Variants in FRAS1 observed in about 807,000 individuals in gnomAD.
FRAS1 encodes Fraser extracellular matrix complex subunit 1, also known as extracellular matrix organizing protein FRAS1.
A neutral mutation model predicts 435.2 loss-of-function variants in FRAS1; 290 were observed. The observed-to-expected ratio is 0.67, with a 90% CI of 0.61 to 0.73. The LOEUF (loss-of-function observed/expected upper bound fraction) is 0.73. Ranked by LOEUF, FRAS1 falls within the 30% of genes least tolerant of loss-of-function variation. The probability of loss-of-function intolerance (pLI) is 0.00; values close to 1 mark genes in which losing one functional copy is unlikely to be tolerated. For synonymous variants in FRAS1, 1,800 were observed against 1,851.0 expected, an observed-to-expected ratio of 0.97 and a Z score of 0.71; for missense variants, 4,860 against 5,001.5, an observed-to-expected ratio of 0.97 and a Z score of 0.85.
chr4:78,519,142 G>T (rs746250821), intron 66 of FRAS1, among the ~76,000 whole-genome samples, 189 bp from the exon 67 acceptor site: 2 of 152,126 alleles, frequency 1.3e-5, no homozygotes, highest in Non-Finnish European at 2.9e-5. Context: ...AAGCATCCCG[G>T]CTGCTTTCTA....
intron 14 of FRAS1, among the ~76,000 whole-genome samples, chr4:78,303,873 C>T: frequency 6.7e-6 from 1 of 148,990 alleles, no homozygotes; most frequent in African/African-American, 2.4e-5. Flanking sequence ...ATTGCCCTGG[C>T]CAGAACTTCC....
At chr4:78,078,767 A>G (rs1204940655) in intron 2 of FRAS1, among the ~76,000 whole-genome samples, 4 of 152,144 alleles carry the variant, frequency 2.6e-5, no homozygotes, top group Admixed American at 2.0e-4. Flanking sequence ...GAGAGTTTAC[A>G]TAAGAGAAAA....
chr4:78,438,535 T>G, intron 38 of FRAS1, 35 bp from the exon 39 acceptor site: 1 of 1,611,666 alleles, frequency 6.2e-7, no homozygotes, highest in Non-Finnish European at 8.5e-7. Flanking sequence ...CCTGCAAATG[T>G]GCGTTCATGT....
chr4:78,097,676 G>A (rs1741879986), intron 2 of FRAS1, among the ~76,000 whole-genome samples: 2 of 152,150 alleles, frequency 1.3e-5, no homozygotes, highest in African/African-American at 2.4e-5. Context: ...GAACAGCATG[G>A]AAAGACCTGC....
chr4:78,105,360 A>G (rs1219117928), intron 2 of FRAS1, among the ~76,000 whole-genome samples: 2 of 152,136 alleles, frequency 1.3e-5, no homozygotes, highest in Admixed American at 6.5e-5. Context: ...AGTTCTAGAA[A>G]TTTGGCTATT....
chr4:78,158,494 A>G (rs1327435004), intron 2 of FRAS1, among the ~76,000 whole-genome samples: 1 of 152,092 alleles, frequency 6.6e-6, no homozygotes, highest in Non-Finnish European at 1.5e-5. Context: ...CTTGAATGTT[A>G]TGGTGTATAG....
At chr4:78,441,055 A>G (rs2035510) in intron 40 of FRAS1, 107 bp from the exon 41 acceptor site, 390,583 of 1,065,460 alleles carry the variant, frequency 0.37, 73,313 homozygotes, top group Admixed American at 0.44. Context: ...TCAAAGAAGC[A>G]GAATTGGTGC....
intron 4 of FRAS1, among the ~76,000 whole-genome samples, chr4:78,250,945 A>G (rs1264895938): frequency 1.3e-5 from 2 of 152,178 alleles, no homozygotes; most frequent in African/African-American, 2.4e-5. Context: ...CTTCTTATAA[A>G]TGCTTTTATA....
chr4:78,489,968 CAAA>C (rs61568957), intron 59 of FRAS1, among the ~76,000 whole-genome samples: 21 of 92,610 alleles, frequency 2.3e-4, no homozygotes, highest in African/African-American at 3.3e-4. Flanking sequence ...TAGTGGAAAA[CAAA>C]AAAAAAAAAA....
At chr4:78,276,220 TC>T (rs1380610612) in intron 9 of FRAS1, among the ~76,000 whole-genome samples, 1 of 152,214 alleles carries the variant, frequency 6.6e-6, no homozygotes, top group Non-Finnish European at 1.5e-5. Context: ...ATTTGTCTAA[TC>T]TTTTTTCAAG....
intron 63 of FRAS1, among the ~76,000 whole-genome samples, chr4:78,509,865 T>G (rs1720976174): frequency 6.6e-6 from 1 of 152,262 alleles, no homozygotes; most frequent in South Asian, 2.1e-4. Flanking sequence ...CTGAATGATT[T>G]TAGACATCAG....
chr4:78,058,658 C>T (rs189867255), intron 1 of FRAS1, among the ~76,000 whole-genome samples: 1 of 152,256 alleles, frequency 6.6e-6, no homozygotes, highest in Admixed American at 6.5e-5. Flanking sequence ...AAGCACGAAC[C>T]AGCCTGCTTC....
At chr4:78,211,414 C>T (rs1246313976) in intron 2 of FRAS1, among the ~76,000 whole-genome samples, 2 of 152,220 alleles carry the variant, frequency 1.3e-5, no homozygotes, top group African/African-American at 4.8e-5. Context: ...GAGGCTGATT[C>T]TGACACCCTA....
intron 43 of FRAS1, among the ~76,000 whole-genome samples, chr4:78,447,114 T>G (rs1016784330): frequency 6.6e-6 from 1 of 150,692 alleles, no homozygotes; most frequent in East Asian, 1.9e-4. Context: ...ATTTCAGCCG[T>G]TTTTTTGCTT....
At chr4:78,467,744 T>G (rs1281822241) in intron 50 of FRAS1, among the ~76,000 whole-genome samples, 1 of 152,220 alleles carries the variant, frequency 6.6e-6, no homozygotes. Context: ...TTTTATTACC[T>G]GTCTTTTAGA....
chr4:78,121,478 T>C (rs1318575440), intron 2 of FRAS1, among the ~76,000 whole-genome samples: 1 of 152,080 alleles, frequency 6.6e-6, no homozygotes, highest in Non-Finnish European at 1.5e-5. Flanking sequence ...CTTTGATGAG[T>C]CCACAGAGCC....
chr4:78,333,161 T>C lies in FRAS1; in HGVS notation c.2138-111T>C. The C allele has an allele frequency of 2.4e-6, 3 of 1,238,850 alleles. 1 individual carries two copies. The South Asian group carries it at 5.9e-5, about 24-fold the overall frequency. 76.7% of individuals were successfully genotyped at this position (1,238,850 alleles called of 1,614,324 possible). ...GCAGCCTGTCATTGGGAAAACCAAGTGAATGTACAGAACATACTCTGACCC... is the reference window on the plus strand; with the variant it reads ...GCAGCCTGTCATTGGGAAAACCAAGCGAATGTACAGAACATACTCTGACCC... On this transcript the variant is annotated intron_variant, in intron 18 of 73. Transcript: ENST00000512123.
At chr4:78,215,688 A>G (rs549586396) in intron 2 of FRAS1, among the ~76,000 whole-genome samples, 136 of 152,328 alleles carry the variant, frequency 8.9e-4, no homozygotes, top group African/African-American at 3.1e-3. Flanking sequence ...GGTATCTCAT[A>G]TAAGTGGAAC....
chr4:78,297,139 T>G (rs1483176837), intron 14 of FRAS1, among the ~76,000 whole-genome samples: 1 of 152,190 alleles, frequency 6.6e-6, no homozygotes, highest in Admixed American at 6.5e-5. Context: ...AATAACAGAA[T>G]GAAGGAATTT....
Sources: gnomAD v4.1 joint callset for allele counts (sites outside exome capture counted in the v4.1 genomes callset) on GRCh38, gnomAD v4.1.1 for gene constraint, MANE v1.5 for transcripts, NCBI Gene and HGNC (gene_info 2026-07-23, HGNC 2026-07-21) for gene names.